SMAP1: variants seen among roughly 807,000 people sequenced by gnomAD.
SMAP1 encodes small ArfGAP 1.
A neutral mutation model predicts 58.5 loss-of-function variants in SMAP1; 24 were observed. The ratio of observed to expected loss-of-function variants is 0.41; its 90% confidence interval spans 0.30 to 0.58. SMAP1 has a LOEUF of 0.58. SMAP1 is among the 20% of genes least tolerant of loss of function. The pLI is 0.29. For synonymous variants in SMAP1, 216 were observed against 196.6 expected (o/e 1.10, Z -0.82); for missense variants, 563 against 566.3 (o/e 0.99, Z 0.06).
rs1768365913 is a variant in SMAP1 at position 70,791,672 on chromosome 6, TC to T, written c.415-16del. The T allele has an allele frequency of 1.2e-6, 2 of 1,604,998 alleles. No homozygotes were observed. Among genetic ancestry groups the T allele is most frequent in the African/African-American group, 2.7e-5 (2 of 74,648 alleles). On this transcript the variant is annotated splice_polypyrimidine_tract_variant and intron_variant, in intron 4 of 10. Coordinates refer to ENST00000370455, the MANE Select transcript of SMAP1 (RefSeq NM_001044305.3). ...TTTTTGTTTTTTTCCTCCTGACTTT[TC>T]ACCTGTACTCCACAGATTTCCTCCT...
At chr6:70,793,058 C>T (rs751326162) in intron 5 of SMAP1, among the ~76,000 whole-genome samples, 16 of 151,814 alleles carry the variant, frequency 1.1e-4, no homozygotes, top group Non-Finnish European at 1.8e-4. Flanking sequence ...TTTTTTGAGA[C>T]GGAGTCTTGC....
intron 1 of SMAP1, among the ~76,000 whole-genome samples, chr6:70,730,399 C>T (rs1215241314): frequency 1.3e-5 from 2 of 152,288 alleles, no homozygotes; most frequent in East Asian, 1.9e-4. Context: ...GACTTACTTG[C>T]TAAAAATAAT....
intron 1 of SMAP1, among the ~76,000 whole-genome samples, chr6:70,691,309 A>T (rs1262874715): frequency 6.6e-6 from 1 of 152,028 alleles, no homozygotes; most frequent in Non-Finnish European, 1.5e-5. Context: ...ATTTTTTAAA[A>T]TTTTTATGGG....
At chr6:70,847,405 A>T in intron 7 of SMAP1, among the ~76,000 whole-genome samples, 1 of 152,162 alleles carries the variant, frequency 6.6e-6, no homozygotes, top group East Asian at 1.9e-4. Flanking sequence ...TCGGTTTCTC[A>T]TATGTGGGTA....
intron 1 of SMAP1, among the ~76,000 whole-genome samples, chr6:70,692,118 A>G (rs1767195913): frequency 6.6e-6 from 1 of 152,160 alleles, no homozygotes; most frequent in Non-Finnish European, 1.5e-5. Context: ...TCTTTTGCAT[A>G]AAAGCCATTT....
chr6:70,833,941 A>G (rs1414823002), intron 6 of SMAP1, among the ~76,000 whole-genome samples: 3 of 152,180 alleles, frequency 2.0e-5, no homozygotes, highest in Non-Finnish European at 4.4e-5. Flanking sequence ...GTTCTCATTT[A>G]TACAGTTTCC....
chr6:70,783,419 T>C (rs144559126), intron 4 of SMAP1, among the ~76,000 whole-genome samples: 79 of 152,256 alleles, frequency 5.2e-4, no homozygotes, highest in African/African-American at 1.6e-3. Flanking sequence ...AGGAACGCAG[T>C]TCCTCACCAG....
intron 2 of SMAP1, among the ~76,000 whole-genome samples, chr6:70,747,136 C>T (rs1205088927): frequency 6.6e-6 from 1 of 152,160 alleles, no homozygotes. Flanking sequence ...GAACTGGGTT[C>T]TGCTTCTGGC....
At chr6:70,770,764 C>T (rs1020284296) in intron 3 of SMAP1, among the ~76,000 whole-genome samples, 1 of 152,228 alleles carries the variant, frequency 6.6e-6, no homozygotes, top group Non-Finnish European at 1.5e-5. Context: ...AAGTCATTCT[C>T]TGTCCACCAT....
intron 6 of SMAP1, among the ~76,000 whole-genome samples, chr6:70,800,094 T>C (rs1768780115): frequency 2.0e-5 from 3 of 152,150 alleles, no homozygotes. Flanking sequence ...AAATAATACA[T>C]GTGAAAATAA....
chr6:70,701,621 C>T (rs1767631671), intron 1 of SMAP1, among the ~76,000 whole-genome samples: 2 of 152,124 alleles, frequency 1.3e-5, no homozygotes, highest in Admixed American at 1.3e-4. Context: ...TGCCCTGTGT[C>T]GCTTCCCACC....
chr6:70,783,634 C>A (rs1405804619), intron 4 of SMAP1, among the ~76,000 whole-genome samples: 4 of 152,104 alleles, frequency 2.6e-5, no homozygotes, highest in African/African-American at 9.7e-5. Context: ...AAAGCCAAGG[C>A]TCAAGAACTA....
intron 6 of SMAP1, among the ~76,000 whole-genome samples, chr6:70,803,094 G>A (rs1039649565): frequency 2.0e-5 from 3 of 152,002 alleles, no homozygotes; most frequent in South Asian, 2.1e-4. Context: ...CTAGCTCCTC[G>A]TTGTACCTCT....
At chr6:70,804,643 C>T (rs909810434) in intron 6 of SMAP1, among the ~76,000 whole-genome samples, 2 of 152,136 alleles carry the variant, frequency 1.3e-5, no homozygotes, top group African/African-American at 4.8e-5. Flanking sequence ...ACCAGTTGTT[C>T]CTTTCCATGT....
Position 70,857,922 on chromosome 6 carries a change from G to C in SMAP1, c.962G>C (p.Gly321Ala). 1 of 1,613,504 alleles carries C rather than the reference G, an allele frequency of 6.2e-7. No homozygotes were observed. Among genetic ancestry groups the C allele is most frequent in the Non-Finnish European group, 8.5e-7 (1 of 1,179,650 alleles). ...TGTIQQQSTP[G>A]VFMGPTNIPF... ...CATTCATTTTCTTTTTGTGGTGCAGGTGTATTTATGGGACCCACAAATATA... is the reference window on the plus strand; with the variant it reads ...CATTCATTTTCTTTTTGTGGTGCAGCTGTATTTATGGGACCCACAAATATA... The change falls in exon 10 of 11, where the codon GGT (glycine) becomes GCT (alanine). Residue 321 changes from glycine (G) to alanine (A), a missense_variant and splice_region_variant. Gly to Ala is a moderately conservative substitution (Grantham distance 60). This residue lies in a region of SMAP1 where 494 missense variants were observed against 473.8 expected (regional missense o/e 1.04). Transcript: ENST00000370455.
At chr6:70,771,841 G>T (rs10945253) in intron 3 of SMAP1, among the ~76,000 whole-genome samples, 18 of 152,130 alleles carry the variant, frequency 1.2e-4, no homozygotes, top group African/African-American at 4.3e-4. Flanking sequence ...CATCTTCTGC[G>T]TCGCTCACGC....
At position 70,716,353 on chromosome 6, in the gene SMAP1, T is replaced by C. The variant is rs544125672; in HGVS notation, c.119-16025T>C. 1.3e-4 allele frequency among the ~76,000 whole-genome samples: 20 copies of C among 152,322 alleles called. No homozygotes were observed. In the East Asian group the frequency reaches 3.1e-3, roughly 24 times the overall value. ...GAGCATGTGCCCTGGATCCCTTGCA[T>C]GTGCAGTTCACAACAGAGTTTGTGC... On this transcript the variant is annotated intron_variant, in intron 1 of 10. Coordinates refer to ENST00000370455, the MANE Select transcript of SMAP1 (RefSeq NM_001044305.3).
At position 70,668,088 on chromosome 6, in the gene SMAP1, C is replaced by A. The variant is rs1197009337; in HGVS notation, c.65C>A (p.Ser22Tyr). The A allele has an allele frequency of 1.2e-6, 2 of 1,605,518 alleles. No individual in the cohort carries two copies. The highest frequency in any genetic ancestry group is 1.7e-5 in the Admixed American group (1 of 59,438). The part of the protein sequence containing the change: ...KLNEQHQLIL[S>Y]KLLREEDNKY... ...AACGAGCAGCACCAGCTCATCCTAT[C>A]CAAGCTTCTGAGGGAGGAGGACAAC... The change falls in exon 1 of 11, where the codon TCC (serine) becomes TAC (tyrosine). Residue 22 changes from serine to tyrosine, a missense_variant. This residue lies in a region of SMAP1 where 52 missense variants were observed against 46.6 expected (regional missense o/e 1.11). Transcript: ENST00000370455.
intron 2 of SMAP1, among the ~76,000 whole-genome samples, chr6:70,752,412 T>G (rs904840530): frequency 6.6e-6 from 1 of 152,246 alleles, no homozygotes; most frequent in Non-Finnish European, 1.5e-5. Flanking sequence ...TTACTTAACA[T>G]CTTTACAGAT....
Sources: allele counts gnomAD v4.1 joint callset (sites outside exome capture counted in the v4.1 genomes callset), GRCh38; gene constraint gnomAD v4.1.1; regional missense constraint gnomAD v4.1.1; transcripts MANE v1.5; gene names NCBI Gene and HGNC (gene_info 2026-07-23, HGNC 2026-07-21).